Variants in MCF2 observed in about 807,000 individuals in gnomAD.
MCF2 encodes the protein MCF.2 cell line derived transforming sequence.
Under a neutral mutation model 82.5 loss-of-function variants are expected in MCF2, and 44 were observed. The ratio of observed to expected loss-of-function variants is 0.53; its 90% CI spans 0.42 to 0.69. The LOEUF (loss-of-function observed/expected upper bound fraction) is 0.69. Ranked by LOEUF, MCF2 falls within the 30% of genes least tolerant of loss-of-function variation. MCF2 has a pLI of 0.00. For synonymous variants in MCF2, 217 were observed against 224.9 expected (o/e 0.96, Z 0.32); for missense variants, 623 against 663.1 (o/e 0.94, Z 0.66).
chrX:139,614,653 G>A (rs1931757258), intron 10 of MCF2, among the ~76,000 whole-genome samples: 1 of 110,996 alleles, frequency 9.0e-6, no homozygotes, highest in African/African-American at 3.3e-5. Flanking sequence ...GGAGTACTCA[G>A]TACTGAGACG....
intron 9 of MCF2, 102 bp from the exon 13 acceptor site, chrX:139,615,154 GT>G (rs1462324252): frequency 1.2e-5 from 7 of 593,915 alleles, no homozygotes; most frequent in Non-Finnish European, 1.9e-5. Context: ...ATAATTTAGA[GT>G]TTAAAATATA....
chrX:139,666,494 C>G (rs559467313), intron 1 of MCF2, among the ~76,000 whole-genome samples: 1 of 111,355 alleles, frequency 9.0e-6, no homozygotes, highest in African/African-American at 3.3e-5. Context: ...GTATTCTTGG[C>G]TGGTATTTTT....
intron 1 of MCF2, among the ~76,000 whole-genome samples, chrX:139,652,879 A>T (rs1251979875): frequency 2.0e-5 from 2 of 101,945 alleles, no homozygotes; most frequent in Middle Eastern, 4.8e-3. Context: ...CAAGGGAATT[A>T]AAAAAAAAAG....
At chrX:139,661,224 CT>C (rs1212222277) in intron 1 of MCF2, among the ~76,000 whole-genome samples, 1 of 111,234 alleles carries the variant, frequency 9.0e-6, no homozygotes, top group Non-Finnish European at 1.9e-5. Flanking sequence ...TTTATAGGGA[CT>C]GATATGGTTT....
intron 16 of MCF2, among the ~76,000 whole-genome samples, chrX:139,599,558 C>T (rs1254466265): frequency 9.0e-6 from 1 of 110,652 alleles, no homozygotes. Context: ...CACAAAGTCT[C>T]AGGGATTATA....
intron 1 of MCF2, among the ~76,000 whole-genome samples, chrX:139,671,546 C>T (rs1162675179): frequency 5.4e-5 from 6 of 111,478 alleles, no homozygotes; most frequent in Non-Finnish European, 9.4e-5. Flanking sequence ...AGCTAGTTTT[C>T]CCAGCACCAT....
chrX:139,615,094 G>T, intron 9 of MCF2, 42 bp from the exon 13 acceptor site: 8 of 1,057,172 alleles, frequency 7.6e-6, no homozygotes, highest in Non-Finnish European at 1.0e-5. Context: ...TTTATGAAAT[G>T]AGGTCATTAC....
chrX:139,618,731 A>G (rs1932113225), intron 7 of MCF2, among the ~76,000 whole-genome samples: 1 of 111,340 alleles, frequency 9.0e-6, no homozygotes, highest in Admixed American at 9.6e-5. Context: ...TCATCTTAAA[A>G]AGCGTGGCCT....
At chrX:139,661,865 G>T (rs1290157030) in intron 1 of MCF2, among the ~76,000 whole-genome samples, 1 of 112,119 alleles carries the variant, frequency 8.9e-6, no homozygotes, top group African/African-American at 3.2e-5. Flanking sequence ...TATATTTGTT[G>T]TAATAATATT....
chrX:139,605,092 T>C (rs1930878258), intron 13 of MCF2, 108 bp from the exon 18 acceptor site: 2 of 324,710 alleles, frequency 6.2e-6, no homozygotes, highest in East Asian at 9.5e-5. Flanking sequence ...GATGGTGAAG[T>C]TTTTTGAATT....
intron 23 of MCF2, 69 bp from the exon 28 acceptor site, chrX:139,585,247 C>A: frequency 1.6e-6 from 1 of 632,481 alleles, no homozygotes; most frequent in Non-Finnish European, 2.5e-6. Flanking sequence ...AGAAGTAAAA[C>A]TAGCTGTAAT....
intron 2 of MCF2, 48 bp from the exon 6 acceptor site, chrX:139,631,559 C>A (rs1413727408): frequency 1.3e-6 from 1 of 748,853 alleles, no homozygotes. Context: ...TTCATGCCAT[C>A]CCTCCATTAA....
chrX:139,656,283 C>T (rs765336181), intron 1 of MCF2, among the ~76,000 whole-genome samples: 1 of 111,406 alleles, frequency 9.0e-6, no homozygotes, highest in South Asian at 3.8e-4. Flanking sequence ...AGGATGGTCT[C>T]GATCTCCTGA....
intron 19 of MCF2, among the ~76,000 whole-genome samples, chrX:139,591,454 A>ATGTCCTTAC (rs763997501): frequency 3.4e-4 from 38 of 111,248 alleles, no homozygotes; most frequent in Non-Finnish European, 6.8e-4. Context: ...TGTGTTGCAC[A>ATGTCCTTAC]TAGTAAGGAC....
At chrX:139,666,793 A>G (rs1384688801) in intron 1 of MCF2, among the ~76,000 whole-genome samples, 1 of 112,009 alleles carries the variant, frequency 8.9e-6, no homozygotes, top group Non-Finnish European at 1.9e-5. Context: ...ATTTCTTTAA[A>G]TAGATTTTCT....
At chrX:139,651,601 A>C in intron 2 of MCF2, 119 bp downstream of exon 2, 2 of 392,753 alleles carry the variant, frequency 5.1e-6, no homozygotes, top group East Asian at 8.0e-5. Flanking sequence ...AGTGCTTCTC[A>C]AATGAATATA....
intron 16 of MCF2, among the ~76,000 whole-genome samples, chrX:139,600,551 C>T: frequency 9.0e-6 from 1 of 111,392 alleles, no homozygotes; most frequent in South Asian, 3.8e-4. Context: ...AAACAAGTGA[C>T]CCTCAGCCTT....
At chrX:139,611,021 T>A (rs1026407724) in intron 10 of MCF2, among the ~76,000 whole-genome samples, 6 of 112,318 alleles carry the variant, frequency 5.3e-5, no homozygotes, top group Non-Finnish European at 9.4e-5. Context: ...ATTTTTTAAA[T>A]GTTTAGTTTA....
chrX:139,639,477 A>G (rs1163315025), intron 1 of MCF2, among the ~76,000 whole-genome samples: 1 of 110,931 alleles, frequency 9.0e-6, no homozygotes. Context: ...GTCCCACCCC[A>G]GCCCTCAGCA....
Sources: allele counts gnomAD v4.1 joint callset (sites outside exome capture counted in the v4.1 genomes callset), GRCh38; gene constraint gnomAD v4.1.1; transcripts MANE v1.5; gene names NCBI Gene and HGNC (gene_info 2026-07-23, HGNC 2026-07-21).